Variants in STIM1 observed in about 807,000 individuals in gnomAD.
The protein encoded by STIM1 is stromal interaction molecule 1.
Under a neutral mutation model 74.7 loss-of-function variants are expected in STIM1, and 25 were observed. That is an observed-to-expected ratio of 0.33 (90% CI 0.24 to 0.47). The LOEUF is 0.47. Among genes scored for constraint, STIM1 ranks in the 20% least tolerant of loss-of-function variants. The probability of loss-of-function intolerance (pLI) is 1.00; values close to 1 mark genes in which losing one functional copy is unlikely to be tolerated. For synonymous variants in STIM1, 328 were observed against 348.8 expected, an observed-to-expected ratio of 0.94 and a Z score of 0.66; for missense variants, 728 against 920.8, an observed-to-expected ratio of 0.79 and a Z score of 2.71.
intron 1 of STIM1, among the ~76,000 whole-genome samples, chr11:3,951,866 G>T (rs910406284): frequency 6.6e-6 from 1 of 152,078 alleles, no homozygotes; most frequent in African/African-American, 2.4e-5. Context: ...TGGGTCAGGC[G>T]CCAGTCAGAT....
At chr11:3,927,369 G>A (rs967318715) in intron 1 of STIM1, among the ~76,000 whole-genome samples, 1 of 152,278 alleles carries the variant, frequency 6.6e-6, no homozygotes, top group African/African-American at 2.4e-5. Flanking sequence ...TCCTAATCAC[G>A]AAGGTTATAT....
At chr11:4,017,501 A>G (rs1319679216) in intron 2 of STIM1, among the ~76,000 whole-genome samples, 3 of 152,134 alleles carry the variant, frequency 2.0e-5, no homozygotes, top group African/African-American at 4.8e-5. Context: ...CTTGACTATA[A>G]AAATGAGTCT....
intron 3 of STIM1, among the ~76,000 whole-genome samples, chr11:4,051,332 T>C (rs2094239140): frequency 6.6e-6 from 1 of 150,504 alleles, no homozygotes; most frequent in Admixed American, 6.7e-5. Flanking sequence ...CAAAACACTT[T>C]AATGGTAAAT....
At chr11:3,994,549 C>A (rs1263112170) in intron 2 of STIM1, among the ~76,000 whole-genome samples, 8 of 150,774 alleles carry the variant, frequency 5.3e-5, no homozygotes, top group Non-Finnish European at 1.5e-5. Flanking sequence ...CAATCTGACT[C>A]CTGGGTTCAA....
intron 2 of STIM1, among the ~76,000 whole-genome samples, chr11:4,008,973 A>G (rs1486739777): frequency 6.6e-6 from 1 of 152,184 alleles, no homozygotes; most frequent in African/African-American, 2.4e-5. Flanking sequence ...TTTAAGTAAA[A>G]GGTTAATAAA....
intron 12 of STIM1, chr11:4,086,972 G>A: frequency 7.2e-7 from 1 of 1,379,942 alleles, no homozygotes; most frequent in Non-Finnish European, 9.6e-7. Context: ...TGTGCAGTGG[G>A]GAATCTTCTT....
intron 6 of STIM1, among the ~76,000 whole-genome samples, chr11:4,072,879 G>T (rs1358485710): frequency 6.6e-6 from 1 of 152,020 alleles, no homozygotes; most frequent in Non-Finnish European, 1.5e-5. Context: ...TGCATATATC[G>T]CCATCTGGTG....
intron 2 of STIM1, among the ~76,000 whole-genome samples, chr11:4,020,174 G>A (rs1032473086): frequency 6.6e-5 from 10 of 151,950 alleles, no homozygotes; most frequent in South Asian, 2.1e-4. Flanking sequence ...GTAAATATAC[G>A]ACATTTTCTT....
At chr11:3,995,398 C>T (rs1309258592) in intron 2 of STIM1, among the ~76,000 whole-genome samples, 3 of 152,130 alleles carry the variant, frequency 2.0e-5, no homozygotes, top group Admixed American at 6.5e-5. Context: ...CAGTGTGAAT[C>T]CTCTGATGTT....
chr11:4,025,726 A>G (rs1011135470), intron 3 of STIM1, among the ~76,000 whole-genome samples: 1 of 152,210 alleles, frequency 6.6e-6, no homozygotes, highest in Admixed American at 6.5e-5. Flanking sequence ...GGACTAAATC[A>G]TAATGCTAGA....
At chr11:4,045,453 ATTT>A (rs568849786) in intron 3 of STIM1, among the ~76,000 whole-genome samples, 1 of 143,074 alleles carries the variant, frequency 7.0e-6, no homozygotes, top group African/African-American at 2.6e-5. Context: ...TTCCATCAGC[ATTT>A]TTTTTTTTTT....
chr11:4,086,671 G>A, intron 12 of STIM1, 128 bp downstream of exon 12: 1 of 1,544,788 alleles, frequency 6.5e-7, no homozygotes, highest in Non-Finnish European at 8.7e-7. Flanking sequence ...TGCCTCTGCT[G>A]CTGCTTCTTG....
At chr11:4,011,307 A>G (rs947120754) in intron 2 of STIM1, among the ~76,000 whole-genome samples, 1 of 152,204 alleles carries the variant, frequency 6.6e-6, no homozygotes, top group Non-Finnish European at 1.5e-5. Flanking sequence ...GTCTTCCACA[A>G]TGGTTGAACT....
At position 3,992,081 on chromosome 11, in the gene STIM1, G is replaced by GCT. The variant is rs376329167; in HGVS notation, c.270+24399_270+24400insCT. Among the ~76,000 whole-genome samples, 689 of 91,838 alleles carry GCT rather than the reference G, an allele frequency of 7.5e-3. 44 individuals are homozygous for GCT. The highest frequency in any genetic ancestry group is 0.012 in the South Asian group (29 of 2,508). 60.2% of individuals were successfully genotyped at this position (91,838 alleles called of 152,430 possible). A position where few individuals can be genotyped will look rare whatever the true frequency, so the allele number is the denominator to read the frequency against. On this transcript the variant is annotated intron_variant, in intron 2 of 12. Transcript: ENST00000526596. ...TTTCTCTGCAGCCTTGCCAACATCT[G>GCT]TTTTTTTGTTTTTTTTTTTTTTTTT...
intron 6 of STIM1, among the ~76,000 whole-genome samples, chr11:4,073,047 G>GATT (rs1169089358): frequency 8.1e-5 from 3 of 37,242 alleles, no homozygotes; most frequent in Non-Finnish European, 2.7e-4. Flanking sequence ...TGGACTTAGA[G>GATT]GTTTTTTTTT....
At chr11:4,064,503 C>G (rs1565164936) in intron 5 of STIM1, among the ~76,000 whole-genome samples, 1 of 152,204 alleles carries the variant, frequency 6.6e-6, no homozygotes, top group African/African-American at 2.4e-5. Context: ...ACAAACACCC[C>G]AGAGAACCTA....
rs16929497 is a variant in STIM1 at position 4,024,185 on chromosome 11, G to A, written c.385+198G>A. On this transcript the variant is annotated intron_variant, in intron 3 of 12. Coordinates refer to ENST00000526596, the MANE Select transcript of STIM1 (RefSeq NM_001382567.1). The stretch of plus-strand genomic sequence containing the variant: ...TGGGGGAAGGTTCTCCAGAGTTGGC[G>A]TTTTTCTTCATTAGGATACTTTTTG... Among the ~76,000 whole-genome samples the A allele has an allele frequency of 0.016, 2,452 of 152,226 alleles. 59 individuals are homozygous for A. The highest frequency in any genetic ancestry group is 0.055 in the African/African-American group (2,302 of 41,528).
rs2094526945 is a variant in STIM1, at chr11:4,091,783, G to A, written c.2136G>A (p.Lys712=). Residue 712 remains lysine, a synonymous_variant, in exon 13 of 13, where the codon AAG becomes AAA. Coordinates refer to ENST00000526596, the MANE Select transcript of STIM1 (RefSeq NM_001382567.1). ...RKKFPLKIFK[K]PLKK ...AGTTTCCCCTCAAAATCTTTAAGAAGCCTCTTAAGAAGTAGGCAGGATGGG... is the reference window on the plus strand; with the variant it reads ...AGTTTCCCCTCAAAATCTTTAAGAAACCTCTTAAGAAGTAGGCAGGATGGG... The A allele has an allele frequency of 6.2e-7, 1 of 1,605,644 alleles. No homozygotes were observed. Among genetic ancestry groups the A allele is most frequent in the African/African-American group, 1.3e-5 (1 of 74,898 alleles).
chr11:4,020,170 A>G (rs538206621), intron 2 of STIM1, among the ~76,000 whole-genome samples: 2 of 152,208 alleles, frequency 1.3e-5, no homozygotes, highest in East Asian at 3.8e-4. Context: ...TTGTGTAAAT[A>G]TACGACATTT....
Sources: gnomAD v4.1 joint callset for allele counts (sites outside exome capture counted in the v4.1 genomes callset) on GRCh38, gnomAD v4.1.1 for gene constraint, MANE v1.5 for transcripts, NCBI Gene and HGNC (gene_info 2026-07-23, HGNC 2026-07-21) for gene names.